NIM1K: variants seen among roughly 807,000 people sequenced by gnomAD.
NIM1K encodes the protein serine/threonine-protein kinase NIM1.
A neutral mutation model predicts 37.1 loss-of-function variants in NIM1K; 35 were observed. That is an observed-to-expected ratio of 0.94 (90% CI 0.72 to 1.25). The LOEUF (loss-of-function observed/expected upper bound fraction) is 1.25. NIM1K is among the 50% of genes most tolerant of loss of function. The probability of loss-of-function intolerance (pLI) is 0.00; values close to 1 mark genes in which losing one functional copy is unlikely to be tolerated. For missense variants in NIM1K, 564 were observed against 548.0 expected (o/e 1.03, Z -0.29); for synonymous variants, 234 against 206.6 (o/e 1.13, Z -1.14).
intron 1 of NIM1K, among the ~76,000 whole-genome samples, chr5:43,237,744 C>T (rs1752642118): frequency 6.6e-6 from 1 of 152,094 alleles, no homozygotes; most frequent in South Asian, 2.1e-4. Context: ...CCCATAGATA[C>T]ACACACCCAA....
chr5:43,269,550 G>A (rs755815495), intron 2 of NIM1K, among the ~76,000 whole-genome samples: 12 of 151,880 alleles, frequency 7.9e-5, no homozygotes, highest in Non-Finnish European at 1.5e-4. Flanking sequence ...TGTAAGGTAC[G>A]ATTCTCCTCA....
At chr5:43,279,579 C>G (rs1400651183) in intron 3 of NIM1K, among the ~76,000 whole-genome samples, 1 of 152,162 alleles carries the variant, frequency 6.6e-6, no homozygotes, top group South Asian at 2.1e-4. Context: ...AAAGCATGGC[C>G]GGAAAGTCAG....
chr5:43,235,067 T>C (rs1246178778), intron 1 of NIM1K, among the ~76,000 whole-genome samples: 1 of 152,250 alleles, frequency 6.6e-6, no homozygotes, highest in Non-Finnish European at 1.5e-5. Context: ...TCATTTCCTT[T>C]TAAAAAACTT....
At chr5:43,257,919 A>G (rs1013993838) in intron 2 of NIM1K, among the ~76,000 whole-genome samples, 1 of 152,120 alleles carries the variant, frequency 6.6e-6, no homozygotes, top group African/African-American at 2.4e-5. Context: ...AACCAAAAAA[A>G]CCACACACAT....
At chr5:43,221,553 A>G (rs1428532247) in intron 1 of NIM1K, among the ~76,000 whole-genome samples, 7 of 152,210 alleles carry the variant, frequency 4.6e-5, no homozygotes, top group African/African-American at 1.2e-4. Flanking sequence ...CAATTCTCCA[A>G]TTGGGCAGCC....
At position 43,245,861 on chromosome 5, in the gene NIM1K, G is replaced by C; in HGVS notation, c.86G>C (p.Cys29Ser). 1.2e-6 allele frequency: 2 copies of C among 1,614,154 alleles called. No homozygotes were observed. The highest frequency in any genetic ancestry group is 4.5e-5 in the East Asian group (2 of 44,876). The change falls in exon 2 of 4, where the codon TGT becomes TCT. Residue 29 changes from cysteine (C) to serine (S), a missense_variant. Cys to Ser is a moderately radical substitution (Grantham distance 112). Coordinates refer to ENST00000326035, the MANE Select transcript of NIM1K (RefSeq NM_153361.4). The part of the protein sequence containing the change: ...WDRRDSVESG[C>S]QTESSKEGEE... ...CGGCGCGACAGTGTAGAAAGTGGCT[G>C]TCAGACCGAGAGTAGCAAGGAGGGT...
At chr5:43,220,539 C>T (rs951065577) in intron 1 of NIM1K, among the ~76,000 whole-genome samples, 4 of 152,142 alleles carry the variant, frequency 2.6e-5, no homozygotes, top group African/African-American at 9.7e-5. Context: ...CCTTGGCCTT[C>T]CAAAGTGCTG....
chr5:43,201,060 G>A (rs1464600693), intron 1 of NIM1K, among the ~76,000 whole-genome samples: 2 of 151,560 alleles, frequency 1.3e-5, no homozygotes, highest in Admixed American at 1.3e-4. Context: ...GGGCGGCAGA[G>A]GTTGCAGTTA....
chr5:43,224,631 A>G (rs1341890869), intron 1 of NIM1K, among the ~76,000 whole-genome samples: 2 of 152,150 alleles, frequency 1.3e-5, no homozygotes, highest in African/African-American at 4.8e-5. Flanking sequence ...TTTAAGGATT[A>G]CAACTCGAGA....
At chr5:43,274,083 C>T (rs1002624990) in intron 2 of NIM1K, among the ~76,000 whole-genome samples, 3 of 152,108 alleles carry the variant, frequency 2.0e-5, no homozygotes, top group Admixed American at 6.5e-5. Context: ...TATTATGAGG[C>T]CTGCCTGTGG....
Position 43,280,506 on chromosome 5 carries a change from A to G in NIM1K, c.1088A>G (p.His363Arg). The change falls in exon 4 of 4, where the codon CAT (histidine) becomes CGT (arginine). Residue 363 changes from histidine (H) to arginine (R), a missense_variant. Transcript: ENST00000326035. ...AATGAGGTCAAAAGCACTTTAGAAC[A>G]TTTGGGCATTACAGAAGAGCATATT... ...EENEVKSTLE[H>R]LGITEEHIRN... The G allele has an allele frequency of 6.2e-7, 1 of 1,614,206 alleles. No individual in the cohort carries two copies. The highest frequency in any genetic ancestry group is 1.3e-5 in the African/African-American group (1 of 75,062).
chr5:43,194,341 A>G (rs773901143), intron 1 of NIM1K, among the ~76,000 whole-genome samples: 3 of 152,246 alleles, frequency 2.0e-5, no homozygotes, highest in Non-Finnish European at 4.4e-5. Context: ...GAATTTGCCT[A>G]GTAAACCCTC....
intron 1 of NIM1K, among the ~76,000 whole-genome samples, chr5:43,201,969 CT>C: frequency 6.9e-6 from 1 of 145,830 alleles, no homozygotes. Context: ...GCGAGACTCC[CT>C]CTCAAAAAAA....
At chr5:43,259,475 T>C (rs1752995825) in intron 2 of NIM1K, among the ~76,000 whole-genome samples, 2 of 152,224 alleles carry the variant, frequency 1.3e-5, no homozygotes, top group Non-Finnish European at 2.9e-5. Context: ...ATGACCATTC[T>C]GGCTGGGGTA....
At chr5:43,267,119 A>G (rs1381262882) in intron 2 of NIM1K, among the ~76,000 whole-genome samples, 1 of 152,134 alleles carries the variant, frequency 6.6e-6, no homozygotes, top group Non-Finnish European at 1.5e-5. Flanking sequence ...AGTAAATTTT[A>G]CTTAGTCAGT....
chr5:43,257,126 C>G (rs79757927), intron 2 of NIM1K, among the ~76,000 whole-genome samples: 8,154 of 151,362 alleles, frequency 0.054, 441 homozygotes, highest in African/African-American at 0.14. Context: ...GAGATGAACA[C>G]AGCTAAGGAG....
intron 1 of NIM1K, among the ~76,000 whole-genome samples, chr5:43,206,032 A>G (rs1259887285): frequency 6.6e-6 from 1 of 152,034 alleles, no homozygotes; most frequent in Non-Finnish European, 1.5e-5. Flanking sequence ...TACTACTACT[A>G]TTTATTTGGT....
chr5:43,202,991 T>C (rs1172234136), intron 1 of NIM1K, among the ~76,000 whole-genome samples: 2 of 152,178 alleles, frequency 1.3e-5, no homozygotes, highest in African/African-American at 4.8e-5. Context: ...ACACAATCTA[T>C]TGCTGGTTGC....
At chr5:43,276,242 G>A (rs985545222) in intron 2 of NIM1K, among the ~76,000 whole-genome samples, 1 of 152,210 alleles carries the variant, frequency 6.6e-6, no homozygotes, top group Admixed American at 6.5e-5. Context: ...TCATGATTCT[G>A]CAGGCTGTAC....
Sources: gnomAD v4.1 joint callset for allele counts (sites outside exome capture counted in the v4.1 genomes callset) on GRCh38, gnomAD v4.1.1 for gene constraint, MANE v1.5 for transcripts, NCBI Gene and HGNC (gene_info 2026-07-23, HGNC 2026-07-21) for gene names.